The following PSD3 variants were observed in gnomAD, a reference collection of about 807,000 sequenced individuals.
PSD3 encodes pleckstrin and Sec7 domain containing 3, also known as PH and SEC7 domain-containing protein 3.
In PSD3, 49 loss-of-function variants were observed where a neutral mutation model predicts 105.5. The ratio of observed to expected loss-of-function variants is 0.46; its 90% CI spans 0.37 to 0.59. PSD3 has a LOEUF of 0.59. Ranked by LOEUF, PSD3 falls within the 20% of genes least tolerant of loss-of-function variation. The pLI is 0.00. For synonymous variants in PSD3, 557 were observed against 457.8 expected (o/e 1.22, Z -2.77); for missense variants, 1,561 against 1,263.8 (o/e 1.24, Z -3.57).
intron 9 of PSD3, among the ~76,000 whole-genome samples, chr8:18,679,706 AG>A (rs1265664950): frequency 6.6e-6 from 1 of 152,214 alleles, no homozygotes. Flanking sequence ...AAGCAAAACC[AG>A]GGTAGCCCGC....
chr8:18,778,199 T>C (rs2129445030), intron 8 of PSD3, among the ~76,000 whole-genome samples: 1 of 152,278 alleles, frequency 6.6e-6, no homozygotes, highest in Admixed American at 6.5e-5. Context: ...CTGGGTTAAA[T>C]TTATTCCCAG....
At chr8:18,965,110 A>G (rs1013818101) in intron 1 of PSD3, among the ~76,000 whole-genome samples, 56 of 152,220 alleles carry the variant, frequency 3.7e-4, no homozygotes, top group African/African-American at 1.3e-3. Context: ...GAATTTTTAT[A>G]GTTTAAAATT....
At chr8:18,543,204 T>C (rs112178635) in intron 15 of PSD3, among the ~76,000 whole-genome samples, 38 of 152,246 alleles carry the variant, frequency 2.5e-4, no homozygotes, top group African/African-American at 9.1e-4. Context: ...AACTCAAGTG[T>C]TTAATGGCGC....
chr8:18,789,284 A>G (rs947056491), intron 8 of PSD3, among the ~76,000 whole-genome samples: 4 of 152,172 alleles, frequency 2.6e-5, no homozygotes, highest in Non-Finnish European at 4.4e-5. Context: ...TAGAAGATGC[A>G]TGACTTCTGA....
chr8:18,868,694 A>G (rs903694639), intron 3 of PSD3, among the ~76,000 whole-genome samples: 1 of 152,230 alleles, frequency 6.6e-6, no homozygotes, highest in African/African-American at 2.4e-5. Flanking sequence ...AACAGCTCAA[A>G]AGTCAACATA....
At chr8:18,954,657 A>T (rs11775925) in intron 1 of PSD3, among the ~76,000 whole-genome samples, 1 of 151,842 alleles carries the variant, frequency 6.6e-6, no homozygotes, top group Non-Finnish European at 1.5e-5. Context: ...TAACATCCTG[A>T]TGTAGTATTT....
At chr8:18,753,264 G>C (rs899994609) in intron 9 of PSD3, among the ~76,000 whole-genome samples, 1 of 151,658 alleles carries the variant, frequency 6.6e-6, no homozygotes. Context: ...TAAGGCAGGA[G>C]AATCACTCGA....
At chr8:18,755,044 T>A (rs1563228053) in intron 9 of PSD3, among the ~76,000 whole-genome samples, 2 of 152,256 alleles carry the variant, frequency 1.3e-5, no homozygotes, top group East Asian at 3.9e-4. Flanking sequence ...TAGCTTTTAT[T>A]CATGATGTGA....
chr8:18,828,067 A>ATATATATATTT (rs371473289), intron 4 of PSD3, among the ~76,000 whole-genome samples: 78 of 118,872 alleles, frequency 6.6e-4, no homozygotes, highest in African/African-American at 2.6e-3. Context: ...ATATATATAT[A>ATATATATATTT]TTTTTTTTTT....
chr8:19,057,836 G>A (rs924959400), intron 1 of PSD3, among the ~76,000 whole-genome samples: 1 of 152,150 alleles, frequency 6.6e-6, no homozygotes, highest in East Asian at 1.9e-4. Context: ...ATACATTGCT[G>A]GTGGGCGTGC....
intron 2 of PSD3, among the ~76,000 whole-genome samples, chr8:18,918,747 G>C (rs1220998423): frequency 6.6e-6 from 1 of 152,050 alleles, no homozygotes; most frequent in African/African-American, 2.4e-5. Context: ...ACAGCTTCCA[G>C]TTCCACCAAC....
intron 9 of PSD3, among the ~76,000 whole-genome samples, chr8:18,691,427 T>C (rs1800968504): frequency 6.6e-6 from 1 of 152,154 alleles, no homozygotes; most frequent in Non-Finnish European, 1.5e-5. Flanking sequence ...CCAACCATCA[T>C]ATGGAAAACA....
At chr8:18,921,519 C>G (rs1821018136) in intron 2 of PSD3, among the ~76,000 whole-genome samples, 1 of 152,136 alleles carries the variant, frequency 6.6e-6, no homozygotes, top group African/African-American at 2.4e-5. Flanking sequence ...CTGGCAGAGG[C>G]AGATCTAGTT....
chr8:18,549,066 A>G (rs946886398), intron 15 of PSD3, among the ~76,000 whole-genome samples: 1 of 152,082 alleles, frequency 6.6e-6, no homozygotes, highest in Non-Finnish European at 1.5e-5. Context: ...AAGAAATCAC[A>G]GGTCATGGTT....
At position 18,876,312 on chromosome 8, in the gene PSD3, T is replaced by C. The variant is rs566156280; in HGVS notation, c.131-3579A>G. ...TGGCCATTCATCAGTTGATGAGATATTGGAGTTGTTTCAACTTGTTGGCTG... is the reference window on the plus strand; with the variant it reads ...TGGCCATTCATCAGTTGATGAGATACTGGAGTTGTTTCAACTTGTTGGCTG... On this transcript the variant is annotated intron_variant, in intron 2 of 15. Transcript: ENST00000327040. 5.3e-5 allele frequency among the ~76,000 whole-genome samples: 8 copies of C among 152,334 alleles called. No homozygotes were observed. The East Asian group carries it at 9.7e-4, about 18-fold the overall frequency.
intron 11 of PSD3, among the ~76,000 whole-genome samples, chr8:18,622,984 G>C (rs903419945): frequency 3.3e-5 from 5 of 152,128 alleles, no homozygotes; most frequent in Non-Finnish European, 7.3e-5. Context: ...ACTATGGTAA[G>C]ATTTTAAATT....
Position 18,710,658 on chromosome 8 carries a change from G to A in PSD3, c.2172+54791C>T, listed in dbSNP as rs575940002. Among the ~76,000 whole-genome samples, 13 of 152,152 alleles carry A rather than the reference G, an allele frequency of 8.5e-5. No homozygotes were observed. The East Asian group carries it at 1.4e-3, about 16-fold the overall frequency. ...GTGGACCTCTCAGCAGAAACCTTAC[G>A]AGCCAGAAGAGATTGGGGGCCAATA... On this transcript the variant is annotated intron_variant, in intron 9 of 15. Transcript: ENST00000327040.
intron 9 of PSD3, among the ~76,000 whole-genome samples, chr8:18,695,875 T>C (rs1210513530): frequency 6.6e-6 from 1 of 152,190 alleles, no homozygotes; most frequent in Non-Finnish European, 1.5e-5. Flanking sequence ...AATGGATAAA[T>C]TAACAATGAT....
chr8:18,601,643 T>C (rs184477921), intron 11 of PSD3, among the ~76,000 whole-genome samples: 36 of 152,290 alleles, frequency 2.4e-4, no homozygotes, highest in African/African-American at 5.8e-4. Flanking sequence ...TATCATCCCT[T>C]CTGCCTCCAC....
Sources: gnomAD v4.1 joint callset for allele counts (sites outside exome capture counted in the v4.1 genomes callset) on GRCh38, gnomAD v4.1.1 for gene constraint, MANE v1.5 for transcripts, NCBI Gene and HGNC (gene_info 2026-07-23, HGNC 2026-07-21) for gene names.